The following TANGO6 variants were observed in gnomAD, a reference collection of about 807,000 sequenced individuals.
The protein encoded by TANGO6 is transport and golgi organization 6 homolog, also known as transport and Golgi organization protein 6 homolog.
Under a neutral mutation model 114.2 loss-of-function variants are expected in TANGO6, and 90 were observed. The ratio of observed to expected loss-of-function variants is 0.79; its 90% CI spans 0.66 to 0.94. TANGO6 has a LOEUF of 0.94. Among genes scored for constraint, TANGO6 ranks in the 40% least tolerant of loss-of-function variants. The pLI, the probability that TANGO6 is intolerant of heterozygous loss-of-function variation, is 0.00. For missense variants in TANGO6, 1,274 were observed against 1,315.3 expected (o/e 0.97, Z 0.49); for synonymous variants, 477 against 509.8 (o/e 0.94, Z 0.87).
chr16:68,919,264 A>G lies in TANGO6; in HGVS notation c.2127+45A>G, dbSNP rs565018770. ...CAAGCTTGAATGGAGGGAAGGGAGA[A>G]GCGAAATACCAGTTGTTTTCCTTCC... On this transcript the variant is annotated intron_variant, in intron 12 of 17. Coordinates refer to ENST00000261778, the MANE Select transcript of TANGO6 (RefSeq NM_024562.2). The G allele has an allele frequency of 4.9e-4, 775 of 1,597,330 alleles. 19 individuals carry two copies. The South Asian group carries it at 7.9e-3, about 16-fold the overall frequency.
intron 8 of TANGO6, 52 bp downstream of exon 8, chr16:68,900,598 C>A: frequency 1.4e-6 from 2 of 1,388,124 alleles, no homozygotes; most frequent in Non-Finnish European, 2.0e-6. Flanking sequence ...GTCTTTTTTG[C>A]ATGTTGTTTT....
intron 15 of TANGO6, among the ~76,000 whole-genome samples, chr16:68,991,367 G>T (rs971121416): frequency 6.6e-5 from 10 of 152,102 alleles, no homozygotes; most frequent in Non-Finnish European, 1.2e-4. Context: ...TGTAATACCA[G>T]CACTTAGGGA....
intron 15 of TANGO6, among the ~76,000 whole-genome samples, chr16:68,987,984 T>G (rs1470726446): frequency 6.6e-6 from 1 of 152,196 alleles, no homozygotes; most frequent in Non-Finnish European, 1.5e-5. Context: ...TCTTTTTGCA[T>G]TTTTTAATTG....
intron 11 of TANGO6, among the ~76,000 whole-genome samples, chr16:68,914,205 A>G (rs1166180281): frequency 1.3e-5 from 2 of 152,188 alleles, no homozygotes; most frequent in Non-Finnish European, 2.9e-5. Context: ...CTTGTTGCCC[A>G]GGCTGCAGTG....
chr16:68,927,573 G>A lies in TANGO6; in HGVS notation c.2133G>A (p.Lys711=), dbSNP rs371724659. ...AVMLGGAVQL[K]SSDFAVLKQL... ...TTTTTTATTTCATTTTGTAGTTGAAGTCAAGTGATTTTGCTGTTCTGAAGC... is the reference window on the plus strand; with the variant it reads ...TTTTTTATTTCATTTTGTAGTTGAAATCAAGTGATTTTGCTGTTCTGAAGC... The change falls in exon 13 of 18, where the codon AAG becomes AAA. Residue 711 remains lysine (K), a synonymous_variant. Transcript: ENST00000261778. 39 of 1,607,166 alleles carry A rather than the reference G, an allele frequency of 2.4e-5. No homozygotes were observed. The highest frequency in any genetic ancestry group is 5.0e-5 in the Admixed American group (3 of 59,616).
intron 14 of TANGO6, among the ~76,000 whole-genome samples, chr16:68,931,381 G>C (rs1963236862): frequency 6.6e-6 from 1 of 152,102 alleles, no homozygotes; most frequent in African/African-American, 2.4e-5. Flanking sequence ...TTACTACTTG[G>C]CCCAGCAATT....
At chr16:68,986,719 A>G (rs557122921) in intron 15 of TANGO6, among the ~76,000 whole-genome samples, 2 of 152,194 alleles carry the variant, frequency 1.3e-5, no homozygotes, top group South Asian at 2.1e-4. Context: ...TGCCTGGCCA[A>G]TGTGGTGAAA....
rs969172955 is a variant in TANGO6, at chr16:69,077,464, A to G, written c.3109-6021A>G. Reference sequence around the variant, plus strand: ...CACGCATGAATGCCTTTATTCACTCATACTTTTTTTTAGGTATGAGCAATG... The same window carrying G: ...CACGCATGAATGCCTTTATTCACTCGTACTTTTTTTTAGGTATGAGCAATG... On this transcript the variant is annotated intron_variant, in intron 17 of 17. Coordinates refer to ENST00000261778, the MANE Select transcript of TANGO6 (RefSeq NM_024562.2). Among the ~76,000 whole-genome samples, 13 of 152,260 alleles carry G rather than the reference A, an allele frequency of 8.5e-5. No individual in the cohort carries two copies. The East Asian group carries it at 2.5e-3, about 29-fold the overall frequency.
intron 5 of TANGO6, among the ~76,000 whole-genome samples, chr16:68,876,761 C>A (rs1165263925): frequency 6.6e-6 from 1 of 152,102 alleles, no homozygotes; most frequent in East Asian, 1.9e-4. Context: ...GCAGACGTTG[C>A]AGTGAGCTGA....
chr16:69,047,107 G>A (rs1959873084), intron 17 of TANGO6, among the ~76,000 whole-genome samples: 1 of 151,456 alleles, frequency 6.6e-6, no homozygotes, highest in South Asian at 2.1e-4. Context: ...CTTGAACCCA[G>A]GAGGTGGAGG....
Position 68,946,001 on chromosome 16 carries a change from AT to A in TANGO6, c.2701+15716del, listed in dbSNP as rs369523473. ...CGCCCAGCCTCTTTGCCCATTTTTA[AT>A]TTTTTTTTTCCTTCCTATCATTGAG... On this transcript the variant is annotated intron_variant, in intron 14 of 17. Transcript: ENST00000261778. Among the ~76,000 whole-genome samples the A allele has an allele frequency of 1.7e-3, 248 of 148,896 alleles. 2 individuals are homozygous for A. The highest frequency in any genetic ancestry group is 5.3e-3 in the African/African-American group (216 of 40,666).
chr16:69,028,361 G>A (rs532772796), intron 16 of TANGO6, among the ~76,000 whole-genome samples: 3 of 152,252 alleles, frequency 2.0e-5, no homozygotes, highest in South Asian at 4.2e-4. Flanking sequence ...CAGGTGCAGA[G>A]GCCCACGCCT....
intron 14 of TANGO6, among the ~76,000 whole-genome samples, chr16:68,940,043 C>A (rs1448540229): frequency 6.6e-6 from 1 of 151,656 alleles, no homozygotes; most frequent in Non-Finnish European, 1.5e-5. Context: ...CCCTCCCTCC[C>A]TTCCTTCCTT....
intron 1 of TANGO6, among the ~76,000 whole-genome samples, chr16:68,847,577 G>C (rs1961832776): frequency 6.6e-6 from 1 of 152,154 alleles, no homozygotes; most frequent in South Asian, 2.1e-4. Flanking sequence ...TTTAGAGGTT[G>C]GTTAGTGATC....
chr16:68,858,146 C>G (rs1256071028), intron 1 of TANGO6, among the ~76,000 whole-genome samples: 1 of 151,914 alleles, frequency 6.6e-6, no homozygotes, highest in East Asian at 1.9e-4. Flanking sequence ...TCACTGCAAC[C>G]TCTGCCTCCT....
At chr16:69,036,966 GA>G (rs984390273) in intron 16 of TANGO6, among the ~76,000 whole-genome samples, 9 of 146,000 alleles carry the variant, frequency 6.2e-5, no homozygotes, top group Admixed American at 2.1e-4. Flanking sequence ...TTGTCTCACA[GA>G]AAAAAAAAAG....
intron 17 of TANGO6, among the ~76,000 whole-genome samples, chr16:69,063,209 C>A (rs1960151526): frequency 7.0e-6 from 1 of 141,876 alleles, no homozygotes; most frequent in Admixed American, 7.4e-5. Context: ...GGTGACAGAG[C>A]CAGACTTCGT....
chr16:68,860,401 T>A lies in TANGO6; in HGVS notation c.612T>A (p.Asn204Lys). The A allele has an allele frequency of 6.2e-7, 1 of 1,614,004 alleles. No homozygotes were observed. Among genetic ancestry groups the A allele is most frequent in the Non-Finnish European group, 8.5e-7 (1 of 1,179,898 alleles). ...RLYTSCKALL[N>K]VAQHTSLGSL... The stretch of plus-strand genomic sequence containing the variant: ...ACACCAGCTGCAAGGCCCTTCTGAA[T>A]GTTGCTCAGCACACATCTCTGGGGA... Residue 204 changes from asparagine (N) to lysine (K), a missense_variant, in exon 2 of 18, where the codon AAT becomes AAA. Asn to Lys is a moderately conservative substitution (Grantham distance 94). This residue lies in a region of TANGO6 where 908 missense variants were observed against 910.2 expected (regional missense o/e 1.00). Transcript: ENST00000261778.
intron 7 of TANGO6, among the ~76,000 whole-genome samples, chr16:68,892,225 A>C (rs962749919): frequency 6.6e-6 from 1 of 152,202 alleles, no homozygotes; most frequent in African/African-American, 2.4e-5. Context: ...CATAGCTAAG[A>C]TCATCCTATC....
Sources: gnomAD v4.1 joint callset for allele counts (sites outside exome capture counted in the v4.1 genomes callset) on GRCh38, gnomAD v4.1.1 for gene constraint, gnomAD v4.1.1 regional missense constraint, MANE v1.5 for transcripts, NCBI Gene and HGNC (gene_info 2026-07-23, HGNC 2026-07-21) for gene names.